Variants in NDUFS1 observed in about 807,000 individuals in gnomAD.
NDUFS1 encodes the protein NADH-ubiquinone oxidoreductase 75 kDa subunit, mitochondrial.
Under a neutral mutation model 84.4 loss-of-function variants are expected in NDUFS1, and 61 were observed. The ratio of observed to expected loss-of-function variants is 0.72; its 90% CI spans 0.59 to 0.89. The LOEUF is 0.89. NDUFS1 is among the 40% of genes least tolerant of loss of function. The probability of loss-of-function intolerance (pLI) is 0.00; values close to 1 mark genes in which losing one functional copy is unlikely to be tolerated. For missense variants in NDUFS1, 891 were observed against 890.0 expected (o/e 1.00, Z -0.01); for synonymous variants, 275 against 290.0 (o/e 0.95, Z 0.53).
chr2:206,159,177 C>T, intron 1 of NDUFS1, 164 bp downstream of exon 1: 1 of 1,534,306 alleles, frequency 6.5e-7, no homozygotes, highest in South Asian at 1.2e-5. Context: ...GCTAAAAGCC[C>T]CCCATCTGCC....
chr2:206,124,021 G>A lies in NDUFS1; in HGVS notation c.*164C>T, dbSNP rs1691185005. On this transcript the variant is annotated 3_prime_UTR_variant, in exon 19 of 19. Coordinates refer to ENST00000233190, the MANE Select transcript of NDUFS1 (RefSeq NM_005006.7). The stretch of plus-strand genomic sequence containing the variant: ...CAATACATGTTTTTCAAACTGCAAA[G>A]TTGATAACTAATATCATTTTCAAAT... 1.6e-6 allele frequency: 1 copy of A among 610,502 alleles called. No homozygotes were observed. The highest frequency in any genetic ancestry group is 1.8e-5 in the African/African-American group (1 of 54,078). 37.8% of individuals were successfully genotyped at this position (610,502 alleles called of 1,614,324 possible).
At chr2:206,154,561 T>C (rs1286588058) in intron 1 of NDUFS1, among the ~76,000 whole-genome samples, 1 of 152,236 alleles carries the variant, frequency 6.6e-6, no homozygotes, top group Admixed American at 6.5e-5. Context: ...GTGTCGATTA[T>C]ATAAACACCA....
At chr2:206,130,544 G>A (rs1247229928) in intron 14 of NDUFS1, among the ~76,000 whole-genome samples, 1 of 151,786 alleles carries the variant, frequency 6.6e-6, no homozygotes, top group African/African-American at 2.4e-5. Flanking sequence ...CAGTAGAGAT[G>A]GGGTTTCACC....
At chr2:206,141,063 T>C (rs537224967) in intron 12 of NDUFS1, among the ~76,000 whole-genome samples, 11 of 151,782 alleles carry the variant, frequency 7.2e-5, no homozygotes, top group African/African-American at 2.4e-4. Flanking sequence ...TATTTCAAAA[T>C]AAAAAGCTAA....
In NDUFS1 at chr2:206,147,772, C is replaced by T; in HGVS notation, c.401G>A (p.Gly134Glu). 1 of 1,614,122 alleles carries T rather than the reference C, an allele frequency of 6.2e-7. No individual in the cohort carries two copies. Among genetic ancestry groups the T allele is most frequent in the Non-Finnish European group, 8.5e-7 (1 of 1,179,992 alleles). ...HPLDCPICDQ[G>E]GECDLQDQSM... ...ACATACCTGCAGATCACATTCACCT[C>T]CCTGGTCACAAATAGGACAGTCCAA... The change falls in exon 6 of 19, where the codon GGA (glycine) becomes GAA (glutamate). Residue 134 changes from glycine (G) to glutamate (E), a missense_variant. Gly to Glu is a moderately conservative substitution (Grantham distance 98). Coordinates refer to ENST00000233190, the MANE Select transcript of NDUFS1 (RefSeq NM_005006.7).
At chr2:206,125,507 T>TAATAATTACATATA (rs1324791552) in intron 18 of NDUFS1, among the ~76,000 whole-genome samples, 1 of 151,616 alleles carries the variant, frequency 6.6e-6, no homozygotes, top group East Asian at 1.9e-4. Flanking sequence ...ATGTAAACAG[T>TAATAATTACATATA]AATAATTACA....
intron 1 of NDUFS1, 35 bp from the exon 2 acceptor site, chr2:206,153,717 GA>G (rs552008380): frequency 6.0e-6 from 7 of 1,166,598 alleles, no homozygotes; most frequent in Admixed American, 2.1e-5. Flanking sequence ...TTATTGTAGG[GA>G]AAAAAACAAT....
intron 10 of NDUFS1, among the ~76,000 whole-genome samples, chr2:206,143,650 C>A (rs865854949): frequency 3.3e-5 from 5 of 151,394 alleles, no homozygotes; most frequent in African/African-American, 1.2e-4. Flanking sequence ...GGTGCGATCT[C>A]GGCTCACTGC....
chr2:206,142,678 T>C lies in NDUFS1; in HGVS notation c.1133+8A>G. 2.5e-6 allele frequency: 4 copies of C among 1,614,172 alleles called. No homozygotes were observed. The highest frequency in any genetic ancestry group is 3.4e-6 in the Non-Finnish European group (4 of 1,180,014). ...GGAAAGCCTAGATCCTAGCTTCATATTTCTCACCCAGCTCCTGCAGTGGGG... is the reference window on the plus strand; with the variant it reads ...GGAAAGCCTAGATCCTAGCTTCATACTTCTCACCCAGCTCCTGCAGTGGGG... On this transcript the variant is annotated splice_region_variant and intron_variant, in intron 11 of 18. Coordinates refer to ENST00000233190, the MANE Select transcript of NDUFS1 (RefSeq NM_005006.7).
intron 13 of NDUFS1, among the ~76,000 whole-genome samples, chr2:206,134,526 G>A (rs1469810457): frequency 6.6e-6 from 1 of 151,638 alleles, no homozygotes; most frequent in African/African-American, 2.4e-5. Context: ...TGGCTGCAGT[G>A]AGCCAAGACA....
chr2:206,136,426 GGTTTTTTTTTT>G (rs1471926638), intron 13 of NDUFS1, among the ~76,000 whole-genome samples: 11 of 133,544 alleles, frequency 8.2e-5, no homozygotes, highest in Admixed American at 2.4e-4. Context: ...TTTAGTTGTT[GGTTTTTTTTTT>G]GTTTTTTTTT....
Position 206,132,988 on chromosome 2 carries a change from T to C in NDUFS1, c.1510A>G (p.Ser504Gly). ...ACTTTCCAATCACCAGTAACACCAC[T>C]AGTCATCCGAATCTTTTGTGCAATG... ...SSIAQKIRMTSGVTGDWKVMN... is the reference protein window; with the variant it reads ...SSIAQKIRMTGGVTGDWKVMN... The change falls in exon 14 of 19, where the codon AGT becomes GGT. Residue 504 changes from serine to glycine, a missense_variant. Ser to Gly is a moderately conservative substitution (Grantham distance 56, BLOSUM62 0). Transcript: ENST00000233190. 6.2e-7 allele frequency: 1 copy of C among 1,613,980 alleles called. No individual in the cohort carries two copies. Among genetic ancestry groups the C allele is most frequent in the Non-Finnish European group, 8.5e-7 (1 of 1,179,924 alleles).
At chr2:206,142,935 A>C (rs1318148085) in intron 10 of NDUFS1, 104 bp from the exon 11 acceptor site, 8 of 1,473,728 alleles carry the variant, frequency 5.4e-6, no homozygotes, top group Admixed American at 2.0e-5. Context: ...GTACAAAAAA[A>C]GTTAACAGAC....
Position 206,114,947 on chromosome 2 carries a change from A to C in NDUFS1, c.*9238T>G, listed in dbSNP as rs538925100. The C allele has an allele frequency of 6.6e-6, 1 of 152,224 alleles. No individual in the cohort carries two copies. The highest frequency in any genetic ancestry group is 1.5e-5 in the Non-Finnish European group (1 of 68,046). 9.4% of individuals were successfully genotyped at this position (152,224 alleles called of 1,614,324 possible). On this transcript the variant is annotated 3_prime_UTR_variant, in exon 19 of 19. Transcript: ENST00000233190. ...CTTAATACATTCTGAAGCACTTTCC[A>C]TATCAGCACGTTGAGATCTAGCTCA...
chr2:206,145,496 T>C (rs1344184161), intron 8 of NDUFS1, among the ~76,000 whole-genome samples: 1 of 152,148 alleles, frequency 6.6e-6, no homozygotes, highest in African/African-American at 2.4e-5. Flanking sequence ...ACACAGAAGC[T>C]AGTTTGAAGG....
chr2:206,149,131 G>GT (rs1553507219), intron 4 of NDUFS1, 35 bp from the exon 5 acceptor site: 1 of 1,482,084 alleles, frequency 6.7e-7, no homozygotes, highest in South Asian at 1.2e-5. Flanking sequence ...ATGTGTATTT[G>GT]TATTTATTTG....
chr2:206,127,765 A>T (rs1330372130), intron 16 of NDUFS1, 32 bp downstream of exon 16: 1 of 1,607,974 alleles, frequency 6.2e-7, no homozygotes, highest in Non-Finnish European at 8.5e-7. Context: ...TGCCTTTAGT[A>T]GCATCACTAA....
chr2:206,143,003 G>A (rs1363438456), intron 10 of NDUFS1, among the ~76,000 whole-genome samples, 172 bp from the exon 11 acceptor site: 1 of 152,230 alleles, frequency 6.6e-6, no homozygotes. Context: ...TGTAATCCCA[G>A]TACTTTGGGA....
intron 7 of NDUFS1, 114 bp downstream of exon 7, chr2:206,147,417 C>T: frequency 1.9e-6 from 2 of 1,056,290 alleles, no homozygotes; most frequent in Non-Finnish European, 2.7e-6. Context: ...AACAGCATCC[C>T]TCTTCTCCCA....
Sources: gnomAD v4.1 joint callset for allele counts (sites outside exome capture counted in the v4.1 genomes callset) on GRCh38, gnomAD v4.1.1 for gene constraint, MANE v1.5 for transcripts, NCBI Gene and HGNC (gene_info 2026-07-23, HGNC 2026-07-21) for gene names.